Variants in ZFHX3 observed in about 807,000 individuals in gnomAD.
The protein encoded by ZFHX3 is zinc finger homeobox protein 3.
A neutral mutation model predicts 279.1 loss-of-function variants in ZFHX3; 42 were observed. That is an observed-to-expected ratio of 0.15 (90% CI 0.12 to 0.19). The LOEUF (loss-of-function observed/expected upper bound fraction) is 0.19. Ranked by LOEUF, ZFHX3 falls within the 10% of genes least tolerant of loss-of-function variation. The pLI is 1.00. For missense variants in ZFHX3, 4,981 were observed against 4,754.0 expected (o/e 1.05, Z -1.40); for synonymous variants, 2,293 against 1,957.8 (o/e 1.17, Z -4.52).
At chr16:73,683,440 T>A (rs978438680) in intron 1 of ZFHX3, among the ~76,000 whole-genome samples, 3 of 152,236 alleles carry the variant, frequency 2.0e-5, no homozygotes, top group African/African-American at 7.2e-5. Flanking sequence ...TTTAAGTGAC[T>A]GTGATTAGGT....
chr16:73,507,860 A>ACC (rs966312943), intron 2 of ZFHX3, among the ~76,000 whole-genome samples: 44 of 152,052 alleles, frequency 2.9e-4, no homozygotes, highest in African/African-American at 1.0e-3. Context: ...ATCCTTGGAC[A>ACC]CCCCGTCAAT....
chr16:73,757,872 C>A (rs770263204), intron 1 of ZFHX3, among the ~76,000 whole-genome samples: 1 of 152,164 alleles, frequency 6.6e-6, no homozygotes, highest in South Asian at 2.1e-4. Context: ...GATTTTGTGA[C>A]TCACTGGGAC....
chr16:72,904,423 A>T lies in ZFHX3; in HGVS notation c.3217-14461T>A, dbSNP rs200261011. 2.5e-4 allele frequency among the ~76,000 whole-genome samples: 37 copies of T among 149,008 alleles called. 1 individual carries two copies. The East Asian group carries it at 6.3e-3, about 25-fold the overall frequency. ...ATAAATAAATAAATAAATAAATAAA[A>T]ATTGTGGGCTGAAAGTTTGAACAGA... On this transcript the variant is annotated intron_variant, in intron 3 of 9. Coordinates refer to ENST00000268489, the MANE Select transcript of ZFHX3 (RefSeq NM_006885.4).
intron 4 of ZFHX3, among the ~76,000 whole-genome samples, chr16:72,874,377 T>C (rs544968850): frequency 6.6e-6 from 1 of 151,910 alleles, no homozygotes; most frequent in African/African-American, 2.4e-5. Context: ...AGGCTAATTT[T>C]TTGTATTTTT....
chr16:72,840,123 C>CAA (rs11453519), intron 4 of ZFHX3, among the ~76,000 whole-genome samples: 4,117 of 137,872 alleles, frequency 0.03, 98 homozygotes, highest in East Asian at 0.097. Context: ...ATGCTTAATG[C>CAA]AAAAAAAAAA....
intron 2 of ZFHX3, among the ~76,000 whole-genome samples, chr16:73,511,092 G>T (rs958309421): frequency 1.3e-5 from 2 of 152,200 alleles, no homozygotes; most frequent in Non-Finnish European, 2.9e-5. Flanking sequence ...CTGCATTCAG[G>T]CATGGTCACC....
intron 3 of ZFHX3, among the ~76,000 whole-genome samples, chr16:72,902,911 C>T (rs139008144): frequency 2.0e-5 from 3 of 152,296 alleles, no homozygotes; most frequent in African/African-American, 4.8e-5. Flanking sequence ...GAACAAAAAC[C>T]GCCACTCTGA....
chr16:73,345,403 C>G (rs891658482), intron 3 of ZFHX3, among the ~76,000 whole-genome samples: 2 of 147,772 alleles, frequency 1.4e-5, no homozygotes, highest in African/African-American at 2.5e-5. Flanking sequence ...CACCCCACCC[C>G]CCGACAGGCC....
chr16:73,748,247 C>A (rs2053721768), intron 1 of ZFHX3, among the ~76,000 whole-genome samples: 1 of 151,926 alleles, frequency 6.6e-6, no homozygotes, highest in African/African-American at 2.4e-5. Context: ...GTCAAAAGTC[C>A]AAACTAAAAA....
intron 2 of ZFHX3, among the ~76,000 whole-genome samples, chr16:73,497,410 T>G (rs866322564): frequency 3.3e-5 from 5 of 152,254 alleles, no homozygotes; most frequent in Non-Finnish European, 7.3e-5. Context: ...GGCTCACGCC[T>G]GTAATCCCAG....
At chr16:73,279,110 C>G (rs1034362806) in intron 4 of ZFHX3, among the ~76,000 whole-genome samples, 4 of 152,160 alleles carry the variant, frequency 2.6e-5, no homozygotes, top group Non-Finnish European at 5.9e-5. Context: ...CAATGCTAAT[C>G]ATCTTAGGGA....
chr16:73,863,239 T>C (rs1961928363), intron 1 of ZFHX3, among the ~76,000 whole-genome samples: 1 of 151,828 alleles, frequency 6.6e-6, no homozygotes, highest in Non-Finnish European at 1.5e-5. Flanking sequence ...ATAAATAAAT[T>C]AGTAGAAGCA....
chr16:73,141,272 A>G (rs1449509772), intron 6 of ZFHX3, among the ~76,000 whole-genome samples: 1 of 152,180 alleles, frequency 6.6e-6, no homozygotes, highest in South Asian at 2.1e-4. Context: ...GAAATATACA[A>G]TGTATTACCC....
At chr16:72,883,009 T>G (rs1018077994) in intron 4 of ZFHX3, among the ~76,000 whole-genome samples, 3 of 142,746 alleles carry the variant, frequency 2.1e-5, no homozygotes, top group Middle Eastern at 3.4e-3. Context: ...TGTGTGTGTG[T>G]GTGTGTGTGT....
chr16:73,308,074 G>A (rs1457703831), intron 4 of ZFHX3, among the ~76,000 whole-genome samples: 1 of 151,744 alleles, frequency 6.6e-6, no homozygotes, highest in East Asian at 1.9e-4. Flanking sequence ...AAGGCACTTA[G>A]AACTAGAGAG....
At chr16:72,817,745 C>G (rs192374362) in intron 5 of ZFHX3, among the ~76,000 whole-genome samples, 2 of 152,254 alleles carry the variant, frequency 1.3e-5, no homozygotes, top group South Asian at 2.1e-4. Context: ...TGGTAATCAC[C>G]GAAGTGCTGA....
intron 5 of ZFHX3, among the ~76,000 whole-genome samples, chr16:73,222,005 TAAAAA>T (rs890499173): frequency 6.6e-6 from 1 of 152,120 alleles, no homozygotes; most frequent in African/African-American, 2.4e-5. Flanking sequence ...TTAGGTTATT[TAAAAA>T]TTTTCCCTAT....
At chr16:73,088,937 G>A (rs1185878834) in intron 8 of ZFHX3, among the ~76,000 whole-genome samples, 1 of 152,140 alleles carries the variant, frequency 6.6e-6, no homozygotes, top group African/African-American at 2.4e-5. Flanking sequence ...GGCAGCCAGA[G>A]AAAGCACGAG....
intron 1 of ZFHX3, among the ~76,000 whole-genome samples, chr16:73,780,338 G>C (rs1445370327): frequency 2.0e-5 from 3 of 148,230 alleles, no homozygotes; most frequent in African/African-American, 2.5e-5. Flanking sequence ...AGTAGAGATG[G>C]GGTTTTGCCA....
Sources: gnomAD v4.1 joint callset for allele counts (sites outside exome capture counted in the v4.1 genomes callset) on GRCh38, gnomAD v4.1.1 for gene constraint, MANE v1.5 for transcripts, NCBI Gene and HGNC (gene_info 2026-07-23, HGNC 2026-07-21) for gene names.